Variants in HYDIN observed in about 807,000 individuals in gnomAD.
HYDIN encodes the protein HYDIN axonemal central pair apparatus protein.
Under a neutral mutation model 403.9 loss-of-function variants are expected in HYDIN, and 132 were observed. The observed-to-expected ratio is 0.33, with a 90% CI of 0.28 to 0.38. The LOEUF (loss-of-function observed/expected upper bound fraction) is 0.38, where lower values mean the gene tolerates loss of function less well. Among genes scored for constraint, HYDIN ranks in the 10% least tolerant of loss-of-function variants. The probability of loss-of-function intolerance (pLI) is 1.00; values close to 1 mark genes in which losing one functional copy is unlikely to be tolerated. For synonymous variants in HYDIN, 1,202 were observed against 1,891.7 expected (o/e 0.64, Z 9.46); for missense variants, 2,827 against 5,009.5 (o/e 0.56, Z 13.15).
At chr16:71,174,432 A>G (rs2086584910) in intron 5 of HYDIN, among the ~76,000 whole-genome samples, 1 of 152,162 alleles carries the variant, frequency 6.6e-6, no homozygotes, top group Non-Finnish European at 1.5e-5. Flanking sequence ...ACTGACTCCA[A>G]CCATAAGAGT....
intron 75 of HYDIN, among the ~76,000 whole-genome samples, chr16:70,847,865 C>A (rs547248946): frequency 6.6e-6 from 1 of 151,792 alleles, no homozygotes; most frequent in South Asian, 2.1e-4. Flanking sequence ...TTGAAATATT[C>A]TTTCTCTTAT....
chr16:70,873,400 GCTCCTGCTTGA>G (rs2040250733), intron 64 of HYDIN, among the ~76,000 whole-genome samples: 1 of 13,830 alleles, frequency 7.2e-5, no homozygotes, highest in South Asian at 3.0e-3. Flanking sequence ...TTCACTGCTG[GCTCCTGCTTGA>G]GCCTTGGTAA....
chr16:71,153,297 A>G (rs549287048), intron 6 of HYDIN, among the ~76,000 whole-genome samples: 1 of 152,322 alleles, frequency 6.6e-6, no homozygotes, highest in East Asian at 1.9e-4. Flanking sequence ...AAGGAAAGGG[A>G]TAGCACCCTC....
intron 1 of HYDIN, among the ~76,000 whole-genome samples, chr16:71,192,129 C>T (rs149630110): frequency 6.6e-6 from 1 of 152,218 alleles, no homozygotes; most frequent in East Asian, 1.9e-4. Context: ...GCATAGAGCC[C>T]GGAATAGAAC....
chr16:71,212,228 A>G, intron 1 of HYDIN, among the ~76,000 whole-genome samples: 1 of 152,228 alleles, frequency 6.6e-6, no homozygotes, highest in East Asian at 1.9e-4. Flanking sequence ...CTGTGATAAC[A>G]GTATTGTGGT....
intron 79 of HYDIN, 22 bp downstream of exon 79, chr16:70,833,865 G>T: frequency 6.3e-7 from 1 of 1,592,780 alleles, no homozygotes; most frequent in Non-Finnish European, 8.5e-7. Flanking sequence ...CAGCCTCAGG[G>T]TGGGAGACAC....
intron 53 of HYDIN, among the ~76,000 whole-genome samples, 174 bp downstream of exon 53, chr16:70,900,830 A>G (rs1365921113): frequency 7.4e-6 from 1 of 134,840 alleles, no homozygotes; most frequent in East Asian, 2.1e-4. Context: ...GCCTCTATGG[A>G]GCTTGCAGTT....
rs779660810 is a variant in HYDIN, at chr16:71,184,888, T to C, written c.238A>G (p.Met80Val). The change falls in exon 3 of 86, where the codon ATG becomes GTG. Residue 80 changes from methionine to valine, a missense_variant. Met to Val is a conservative substitution (Grantham distance 21). Transcript: ENST00000393567. ...ACCTTCTGATGTGTTGTTTCCCCCA[T>C]ATCTAAGAGTTCGATGATCTGTGGT... ...CRPQIIELLDMGETTHQKFSG... is the reference protein window; with the variant it reads ...CRPQIIELLDVGETTHQKFSG... 1.9e-6 allele frequency: 3 copies of C among 1,608,972 alleles called. No individual in the cohort carries two copies. Among genetic ancestry groups the C allele is most frequent in the East Asian group, 2.2e-5 (1 of 44,808 alleles).
intron 25 of HYDIN, among the ~76,000 whole-genome samples, chr16:70,989,664 T>C (rs78170070): frequency 6.6e-6 from 1 of 152,196 alleles, no homozygotes; most frequent in Non-Finnish European, 1.5e-5. Context: ...TGATTGTACA[T>C]GATACAAATT....
At chr16:71,087,032 C>T (rs2082949854) in intron 12 of HYDIN, among the ~76,000 whole-genome samples, 2 of 151,002 alleles carry the variant, frequency 1.3e-5, no homozygotes, top group South Asian at 2.1e-4. Context: ...GGAAAACAAC[C>T]CTCATTTTTC....
chr16:71,178,769 TGTC>T (rs1290809061), intron 4 of HYDIN, among the ~76,000 whole-genome samples, 156 bp downstream of exon 4: 1 of 152,138 alleles, frequency 6.6e-6, no homozygotes, highest in Non-Finnish European at 1.5e-5. Context: ...GACACAGCCT[TGTC>T]GTCATTAAGT....
At chr16:70,863,921 T>G (rs1195117237) in intron 67 of HYDIN, among the ~76,000 whole-genome samples, 1 of 151,916 alleles carries the variant, frequency 6.6e-6, no homozygotes, top group African/African-American at 2.4e-5. Context: ...TCAGAAGCCA[T>G]TTGACCCCTG....
At position 70,991,533 on chromosome 16, in the gene HYDIN, C is replaced by T. The variant is rs555543015; in HGVS notation, c.3786-137G>A. On this transcript the variant is annotated intron_variant, in intron 24 of 85. Coordinates refer to ENST00000393567, the MANE Select transcript of HYDIN (RefSeq NM_001270974.2). Reference sequence around the variant, plus strand: ...GTAAGGGGGATTCTCAATCAAGGGACACCTTTCTCAAGAGGTCAGCTGGTC... The same window carrying T: ...GTAAGGGGGATTCTCAATCAAGGGATACCTTTCTCAAGAGGTCAGCTGGTC... 8.6e-6 allele frequency: 12 copies of T among 1,387,602 alleles called. 1 individual carries two copies. The South Asian group carries it at 1.3e-4, about 15-fold the overall frequency. 86.0% of individuals were successfully genotyped at this position (1,387,602 alleles called of 1,614,324 possible). A position where few individuals can be genotyped will look rare whatever the true frequency, so the allele number is the denominator to read the frequency against.
intron 1 of HYDIN, among the ~76,000 whole-genome samples, chr16:71,213,817 T>A (rs1262410156): frequency 6.6e-6 from 1 of 152,104 alleles, no homozygotes; most frequent in African/African-American, 2.4e-5. Context: ...TATAAAAATC[T>A]ACAGCAGGCA....
chr16:71,078,592 A>T (rs2144333786), intron 13 of HYDIN, among the ~76,000 whole-genome samples: 1 of 152,004 alleles, frequency 6.6e-6, no homozygotes, highest in African/African-American at 2.4e-5. Flanking sequence ...GCAGCCTCCA[A>T]CTCCTGGGCT....
At position 70,818,364 on chromosome 16, in the gene HYDIN, A is replaced by T. The variant is rs764606410; in HGVS notation, c.14636T>A (p.Phe4879Tyr). 1 of 1,613,536 alleles carries T rather than the reference A, an allele frequency of 6.2e-7. No homozygotes were observed. Among genetic ancestry groups the T allele is most frequent in the Admixed American group, 1.7e-5 (1 of 59,994 alleles). The change falls in exon 84 of 86, where the codon TTT becomes TAT. Residue 4879 changes from phenylalanine (F) to tyrosine (Y), a missense_variant. Transcript: ENST00000393567. ...TACCTCGGAGTTGGCAGGCACCACA[A>T]ACTGGGAGGGCAGGGCGATGTCGGG... ...RMPDIALPSQ[F>Y]VVPANSEGTF...
chr16:70,888,464 G>T (rs1368205275), intron 58 of HYDIN, among the ~76,000 whole-genome samples: 1 of 152,122 alleles, frequency 6.6e-6, no homozygotes, highest in African/African-American at 2.4e-5. Context: ...GCAGGGGTGG[G>T]TGTCCCAGCT....
At chr16:71,156,766 CCTTA>C (rs1455170800) in intron 6 of HYDIN, among the ~76,000 whole-genome samples, 27 of 151,662 alleles carry the variant, frequency 1.8e-4, no homozygotes, top group South Asian at 6.3e-4. Context: ...TTGTTTAATT[CCTTA>C]CTTGAGTTTT....
chr16:70,804,809 C>T lies in HYDIN; in HGVS notation c.*2771G>A, dbSNP rs924693443. Among the ~76,000 whole-genome samples, 1 of 152,170 alleles carries T rather than the reference C, an allele frequency of 6.6e-6. No homozygotes were observed. The highest frequency in any genetic ancestry group is 1.5e-5 in the Non-Finnish European group (1 of 68,036). ...CTGCAACCTGGGTTCGTTTTTGTTT[C>T]TCCCCCTCCCTTCTCCCTGATCACT... On this transcript the variant is annotated 3_prime_UTR_variant, in exon 86 of 86. Transcript: ENST00000393567.
Sources: allele counts gnomAD v4.1 joint callset (sites outside exome capture counted in the v4.1 genomes callset), GRCh38; gene constraint gnomAD v4.1.1; transcripts MANE v1.5; gene names NCBI Gene and HGNC (gene_info 2026-07-23, HGNC 2026-07-21).